The following CPT1A variants were observed in gnomAD, a reference collection of about 807,000 sequenced individuals.
CPT1A encodes the protein carnitine palmitoyltransferase 1A.
CPT1A carries 64 observed loss-of-function variants against 100.8 expected under a neutral mutation model. The observed-to-expected ratio is 0.63, with a 90% CI of 0.52 to 0.78. The LOEUF (loss-of-function observed/expected upper bound fraction) is 0.78. Among genes scored for constraint, CPT1A ranks in the 30% least tolerant of loss-of-function variants. The pLI is 0.00. For synonymous variants in CPT1A, 363 were observed against 396.0 expected, an observed-to-expected ratio of 0.92 and a Z score of 0.99; for missense variants, 802 against 1,034.1, an observed-to-expected ratio of 0.78 and a Z score of 3.08.
At chr11:68,775,073 G>A (rs752621822) in intron 13 of CPT1A, among the ~76,000 whole-genome samples, 2 of 152,240 alleles carry the variant, frequency 1.3e-5, no homozygotes, top group Admixed American at 6.5e-5. Context: ...TGGAAATAGC[G>A]CTGACAGTCT....
At chr11:68,812,105 A>C (rs571068716) in intron 3 of CPT1A, among the ~76,000 whole-genome samples, 1 of 152,184 alleles carries the variant, frequency 6.6e-6, no homozygotes, top group Admixed American at 6.5e-5. Flanking sequence ...CAGCCCTTTG[A>C]GCAGAAATTC....
chr11:68,755,190 C>T lies in CPT1A; in HGVS notation c.*2454G>A, dbSNP rs1037561923. 1 of 289,888 alleles carries T rather than the reference C, an allele frequency of 3.4e-6. No individual in the cohort carries two copies. The highest frequency in any genetic ancestry group is 2.2e-5 in the African/African-American group (1 of 46,396). The allele number at this position is 289,888 out of a possible 1,614,324, so 18.0% of individuals were successfully genotyped here. The stretch of plus-strand genomic sequence containing the variant: ...AACATTTAAAACCTGAGAGAGAAAC[C>T]CAAATATGTTTAAGCACTCACGTCT... On this transcript the variant is annotated 3_prime_UTR_variant, in exon 19 of 19. Coordinates refer to ENST00000265641, the MANE Select transcript of CPT1A (RefSeq NM_001876.4).
chr11:68,797,546 G>A (rs563398339), intron 6 of CPT1A, among the ~76,000 whole-genome samples: 22 of 152,258 alleles, frequency 1.4e-4, no homozygotes, highest in African/African-American at 5.1e-4. Context: ...GGTGGCTCAC[G>A]CCTGTAGTCT....
rs528931501 is a variant in CPT1A at position 68,840,105 on chromosome 11, G to C, written c.-14+1670C>G. Among the ~76,000 whole-genome samples the C allele has an allele frequency of 1.9e-4, 29 of 152,350 alleles. 1 individual carries two copies. In the South Asian group the frequency reaches 2.5e-3, roughly 13 times the overall value. The stretch of plus-strand genomic sequence containing the variant: ...ACCAGTAATTTACATGCGAAAAGCA[G>C]TCCACAGGCTCTTGGTATTGAGGCA... On this transcript the variant is annotated intron_variant, in intron 1 of 18. Coordinates refer to ENST00000265641, the MANE Select transcript of CPT1A (RefSeq NM_001876.4).
Position 68,808,738 on chromosome 11 carries a change from GA to G in CPT1A, c.282-1101del, listed in dbSNP as rs35323274. ...GGGAACTGCAAAATATTTTTTAAAT[GA>G]AAACTATTTAAGCATGCTTCAAATG... On this transcript the variant is annotated intron_variant, in intron 3 of 18. Transcript: ENST00000265641. Among the ~76,000 whole-genome samples, 1,443 of 152,032 alleles carry G rather than the reference GA, an allele frequency of 9.5e-3. 22 individuals are homozygous for G. The highest frequency in any genetic ancestry group is 0.033 in the African/African-American group (1,355 of 41,492).
intron 14 of CPT1A, 30 bp from the exon 15 acceptor site, chr11:68,762,791 G>C (rs565539032): frequency 1.5e-4 from 247 of 1,613,336 alleles, no homozygotes; most frequent in Non-Finnish European, 2.0e-4. Context: ...TCAGTGCACG[G>C]CAGGGCATGC....
chr11:68,836,357 G>C (rs1857009582), intron 1 of CPT1A, among the ~76,000 whole-genome samples: 1 of 151,798 alleles, frequency 6.6e-6, no homozygotes, highest in Non-Finnish European at 1.5e-5. Context: ...TATGCCTGTG[G>C]TCCTAGCTAT....
rs117889804 is a variant in CPT1A at position 68,805,743 on chromosome 11, T to C, written c.454-1642A>G. On this transcript the variant is annotated intron_variant, in intron 4 of 18. Transcript: ENST00000265641. ...TGCAGAAAATGTTTCCATGATGACC[T>C]GGTCCATTACAACCATTTAGGCCAC... Among the ~76,000 whole-genome samples the C allele has an allele frequency of 8.2e-3, 1,247 of 152,340 alleles. 14 individuals carry two copies. The highest frequency in any genetic ancestry group is 0.01 in the Non-Finnish European group (697 of 68,032).
chr11:68,838,884 A>C (rs1247001058), intron 1 of CPT1A, among the ~76,000 whole-genome samples: 2 of 152,186 alleles, frequency 1.3e-5, no homozygotes, highest in Admixed American at 1.3e-4. Flanking sequence ...TGCCTCTTTA[A>C]CTTTGCATCG....
rs765615450 is a variant in CPT1A, at chr11:68,796,874, G to A, written c.753C>T (p.Asn251=). Residue 251 remains asparagine (N), a synonymous_variant, in exon 7 of 19, where the codon AAC becomes AAT. Transcript: ENST00000265641. ...GACTCACCATGGCATAATAGTTGCTGTTCACCATGAGCGGCCCTCGTCCTC... is the reference window on the plus strand; with the variant it reads ...GACTCACCATGGCATAATAGTTGCTATTCACCATGAGCGGCCCTCGTCCTC... ...YLRGRGPLMV[N]SNYYAMDLLY... 35 of 1,613,988 alleles carry A rather than the reference G, an allele frequency of 2.2e-5. No homozygotes were observed. The highest frequency in any genetic ancestry group is 2.9e-5 in the Non-Finnish European group (34 of 1,180,014).
intron 9 of CPT1A, among the ~76,000 whole-genome samples, chr11:68,792,029 G>A (rs1855629237): frequency 6.6e-6 from 1 of 152,036 alleles, no homozygotes; most frequent in Admixed American, 6.6e-5. Flanking sequence ...GGACCGGGCT[G>A]CAACAAGACA....
chr11:68,801,477 A>G (rs1258797261), intron 5 of CPT1A, among the ~76,000 whole-genome samples: 2 of 152,120 alleles, frequency 1.3e-5, no homozygotes, highest in Non-Finnish European at 2.9e-5. Context: ...TAAAAATACA[A>G]AAATTAGCCG....
At chr11:68,817,345 G>A (rs569312384) in intron 1 of CPT1A, among the ~76,000 whole-genome samples, 90 of 152,214 alleles carry the variant, frequency 5.9e-4, no homozygotes, top group African/African-American at 2.0e-3. Context: ...AGAACCATCC[G>A]CTGGCAGGCC....
rs1271364382 is a variant in CPT1A at position 68,841,423 on chromosome 11, C to T, written c.-14+352G>A. Among the ~76,000 whole-genome samples, 3 of 150,006 alleles carry T rather than the reference C, an allele frequency of 2.0e-5. No homozygotes were observed. Among genetic ancestry groups the T allele is most frequent in the Non-Finnish European group, 4.5e-5 (3 of 67,366 alleles). On this transcript the variant is annotated intron_variant, in intron 1 of 18. Coordinates refer to ENST00000265641, the MANE Select transcript of CPT1A (RefSeq NM_001876.4). The surrounding 1 kb of genome is among the most constrained non-coding windows in gnomAD (Gnocchi z 6.3). ...CCAGGGCGGATTAAGGAGTGGGAGA[C>T]AAGGGAGCCGGTGGCCCCGCTGGCC...
At chr11:68,813,945 G>A (rs569840722) in intron 2 of CPT1A, among the ~76,000 whole-genome samples, 2 of 152,258 alleles carry the variant, frequency 1.3e-5, no homozygotes, top group Admixed American at 1.3e-4. Flanking sequence ...TGGCTCCCAG[G>A]GGCTTGCCCG....
At chr11:68,826,217 G>A (rs1004207602) in intron 1 of CPT1A, among the ~76,000 whole-genome samples, 29 of 152,094 alleles carry the variant, frequency 1.9e-4, no homozygotes, top group African/African-American at 6.8e-4. Flanking sequence ...AGGCCAAGGT[G>A]GGAGGATCAC....
intron 1 of CPT1A, among the ~76,000 whole-genome samples, chr11:68,831,875 C>T (rs1042505640): frequency 5.3e-5 from 8 of 152,184 alleles, no homozygotes; most frequent in Non-Finnish European, 1.2e-4. Flanking sequence ...CCAAGCGATC[C>T]GTCTGCCTTG....
At chr11:68,813,406 C>A (rs1856275356) in intron 2 of CPT1A, among the ~76,000 whole-genome samples, 1 of 151,684 alleles carries the variant, frequency 6.6e-6, no homozygotes, top group African/African-American at 2.4e-5. Context: ...GTGGTGGGCG[C>A]CTATAGTCCC....
chr11:68,835,405 C>T (rs1209878911), intron 1 of CPT1A, among the ~76,000 whole-genome samples: 2 of 152,238 alleles, frequency 1.3e-5, no homozygotes, highest in Admixed American at 6.5e-5. Context: ...GCATATTCTT[C>T]ACCTTTGCAC....
Sources: gnomAD v4.1 joint callset for allele counts (sites outside exome capture counted in the v4.1 genomes callset) on GRCh38, gnomAD v4.1.1 for gene constraint, Gnocchi (gnomAD v3.1) non-coding constraint, MANE v1.5 for transcripts, NCBI Gene and HGNC (gene_info 2026-07-23, HGNC 2026-07-21) for gene names.